CSMD1: variants seen among roughly 807,000 people sequenced by gnomAD.
CSMD1 encodes the protein CUB and sushi domain-containing protein 1.
In CSMD1, 213 loss-of-function variants were observed where a neutral mutation model predicts 417.5. The observed-to-expected ratio is 0.51, with a 90% CI of 0.46 to 0.57. The LOEUF is 0.57. Ranked by LOEUF, CSMD1 falls within the 20% of genes least tolerant of loss-of-function variation. CSMD1 has a pLI of 0.00. For missense variants in CSMD1, 6,923 were observed against 4,529.7 expected (o/e 1.53, Z -15.17); for synonymous variants, 2,862 against 1,736.8 (o/e 1.65, Z -16.11).
At chr8:3,202,350 T>TG (rs1231799905) in intron 31 of CSMD1, among the ~76,000 whole-genome samples, 3 of 152,226 alleles carry the variant, frequency 2.0e-5, no homozygotes, top group African/African-American at 7.2e-5. Flanking sequence ...TCATACACAC[T>TG]GACTTATACA....
At chr8:3,797,746 T>C (rs150674577) in intron 5 of CSMD1, among the ~76,000 whole-genome samples, 2 of 151,956 alleles carry the variant, frequency 1.3e-5, no homozygotes, top group Non-Finnish European at 2.9e-5. Context: ...AAATATTTTG[T>C]GGACACGTAT....
intron 2 of CSMD1, among the ~76,000 whole-genome samples, chr8:4,460,076 G>T (rs942062947): frequency 2.6e-5 from 4 of 152,074 alleles, no homozygotes; most frequent in African/African-American, 9.7e-5. Context: ...TTTCAAGGGC[G>T]TATGAAACAT....
intron 2 of CSMD1, among the ~76,000 whole-genome samples, chr8:4,515,110 C>T (rs1803044240): frequency 6.6e-6 from 1 of 152,142 alleles, no homozygotes; most frequent in South Asian, 2.1e-4. Flanking sequence ...TACAGCAGCT[C>T]CCTTGGAAAG....
chr8:3,333,839 T>A (rs1242738651), intron 23 of CSMD1, among the ~76,000 whole-genome samples: 1 of 152,202 alleles, frequency 6.6e-6, no homozygotes. Flanking sequence ...AATACTATAA[T>A]CTCTTTTACT....
intron 3 of CSMD1, among the ~76,000 whole-genome samples, chr8:4,300,294 TGGGGAA>T (rs1181558480): frequency 6.6e-6 from 1 of 152,146 alleles, no homozygotes; most frequent in African/African-American, 2.4e-5. Flanking sequence ...TGGGCACAGA[TGGGGAA>T]ATATGAGGGG....
intron 3 of CSMD1, among the ~76,000 whole-genome samples, chr8:4,088,859 T>C (rs1246996658): frequency 2.0e-5 from 3 of 152,144 alleles, no homozygotes; most frequent in Admixed American, 6.5e-5. Flanking sequence ...CTGGTTTCCA[T>C]GACACCGCTG....
intron 3 of CSMD1, among the ~76,000 whole-genome samples, chr8:4,325,640 C>A (rs921287234): frequency 6.6e-6 from 1 of 152,062 alleles, no homozygotes; most frequent in South Asian, 2.1e-4. Context: ...TCCCAAACTA[C>A]CCAAATTACA....
At chr8:4,710,892 A>G (rs1808249485) in intron 1 of CSMD1, among the ~76,000 whole-genome samples, 1 of 151,862 alleles carries the variant, frequency 6.6e-6, no homozygotes, top group Non-Finnish European at 1.5e-5. Flanking sequence ...ATGAGAAAAA[A>G]GACTTACATA....
chr8:4,265,190 C>G (rs1218785836), intron 3 of CSMD1, among the ~76,000 whole-genome samples: 7 of 151,894 alleles, frequency 4.6e-5, no homozygotes, highest in Admixed American at 4.6e-4. Context: ...TCAAAAGTAG[C>G]AAAGTGTAAC....
chr8:4,614,235 G>A (rs1801348793), intron 2 of CSMD1, among the ~76,000 whole-genome samples: 1 of 152,182 alleles, frequency 6.6e-6, no homozygotes, highest in Non-Finnish European at 1.5e-5. Context: ...ATATTGAGGA[G>A]ATGGACCCAA....
chr8:4,902,676 T>C (rs1008718117), intron 1 of CSMD1, among the ~76,000 whole-genome samples: 31 of 152,266 alleles, frequency 2.0e-4, no homozygotes, highest in African/African-American at 7.2e-4. Flanking sequence ...TCATTTACTT[T>C]TGAATAGGTG....
At chr8:3,448,426 A>AGGAAGGAAGGGAGGTAG (rs532643101) in intron 12 of CSMD1, among the ~76,000 whole-genome samples, 1 of 96,096 alleles carries the variant, frequency 1.0e-5, no homozygotes, top group Non-Finnish European at 2.0e-5. Context: ...AAGGGAAGGA[A>AGGAAGGAAGGGAGGTAG]GAAGGAGCAA....
intron 50 of CSMD1, among the ~76,000 whole-genome samples, chr8:3,044,188 T>C (rs912673028): frequency 1.3e-5 from 2 of 152,352 alleles, no homozygotes; most frequent in African/African-American, 4.8e-5. Flanking sequence ...TGAGCATTTG[T>C]AAATAACCAG....
At chr8:3,944,570 CT>C (rs899367427) in intron 5 of CSMD1, among the ~76,000 whole-genome samples, 4 of 152,030 alleles carry the variant, frequency 2.6e-5, no homozygotes, top group African/African-American at 9.7e-5. Flanking sequence ...TTGTCTACAA[CT>C]TTAAAAATAC....
At chr8:3,473,747 T>C (rs141672431) in intron 11 of CSMD1, among the ~76,000 whole-genome samples, 1 of 152,324 alleles carries the variant, frequency 6.6e-6, no homozygotes, top group Non-Finnish European at 1.5e-5. Flanking sequence ...GTGGTGTCTG[T>C]ATGGGTGTAT....
intron 49 of CSMD1, among the ~76,000 whole-genome samples, chr8:3,083,473 T>G (rs1268845464): frequency 6.7e-6 from 1 of 149,740 alleles, no homozygotes. Flanking sequence ...TCTGATTATA[T>G]ATATTTTTGA....
In CSMD1 at chr8:3,271,046, A is replaced by T. The variant is rs539633217; in HGVS notation, c.4153+13098T>A. Among the ~76,000 whole-genome samples the T allele has an allele frequency of 1.8e-3, 270 of 151,366 alleles. 1 individual carries two copies. Among genetic ancestry groups the T allele is most frequent in the East Asian group, 6.9e-3 (35 of 5,100 alleles). ...GCACCCACTAACTTGTCATCTAGCA[A>T]TAGGTATATCTCCCAATGCTGTCCT... is the stretch of plus-strand genomic sequence containing the variant. On this transcript the variant is annotated intron_variant, in intron 26 of 69. Transcript: ENST00000635120.
chr8:3,768,816 CA>C (rs1227173504), intron 5 of CSMD1, among the ~76,000 whole-genome samples: 1 of 152,214 alleles, frequency 6.6e-6, no homozygotes, highest in Non-Finnish European at 1.5e-5. Context: ...CTTGCTAATC[CA>C]TTACTTCCTT....
chr8:4,080,404 T>C (rs752203689), intron 3 of CSMD1, among the ~76,000 whole-genome samples: 7 of 152,232 alleles, frequency 4.6e-5, no homozygotes, highest in South Asian at 2.1e-4. Context: ...ATTTCCAAAA[T>C]GTACTGGTGA....
Sources: gnomAD v4.1 joint callset for allele counts (sites outside exome capture counted in the v4.1 genomes callset) on GRCh38, gnomAD v4.1.1 for gene constraint, MANE v1.5 for transcripts, NCBI Gene and HGNC (gene_info 2026-07-23, HGNC 2026-07-21) for gene names.